Variants in POU2AF2 observed in about 807,000 individuals in gnomAD.
POU2AF2 encodes the protein POU class 2 homeobox associating factor 2.
chr11:111,274,879 C>T, the POU2AF2 span, among the ~76,000 whole-genome samples: 1 of 152,058 alleles, frequency 6.6e-6, no homozygotes, highest in African/African-American at 2.4e-5. Flanking sequence ...CCACCATCGC[C>T]ACAACCAATC....
chr11:111,248,593 C>G, the POU2AF2 span, among the ~76,000 whole-genome samples: 1 of 152,300 alleles, frequency 6.6e-6, no homozygotes, highest in East Asian at 1.9e-4. Flanking sequence ...GTGTCATTGT[C>G]TATCACATAA....
At chr11:111,247,865 G>A in the POU2AF2 span, among the ~76,000 whole-genome samples, 1 of 142,862 alleles carries the variant, frequency 7.0e-6, no homozygotes, top group Non-Finnish European at 1.5e-5. Flanking sequence ...TGAGCTTGGA[G>A]ACTATAAGTG....
the POU2AF2 span, among the ~76,000 whole-genome samples, chr11:111,259,684 A>G: frequency 6.6e-6 from 1 of 152,188 alleles, no homozygotes; most frequent in Non-Finnish European, 1.5e-5. Flanking sequence ...CAAGCAAACA[A>G]ACGGGTTTTT....
chr11:111,265,640 T>A, the POU2AF2 span, among the ~76,000 whole-genome samples: 1 of 152,250 alleles, frequency 6.6e-6, no homozygotes, highest in East Asian at 1.9e-4. Flanking sequence ...ATGGCAGCTT[T>A]TATGGTTTTT....
At chr11:111,284,065 T>C in the POU2AF2 span, 2 of 1,605,714 alleles carry the variant, frequency 1.2e-6, no homozygotes, top group Non-Finnish European at 1.7e-6. Context: ...GTGTTTTTCA[T>C]TTGGCAACAG....
the POU2AF2 span, among the ~76,000 whole-genome samples, chr11:111,262,566 T>C: frequency 6.6e-6 from 1 of 152,264 alleles, no homozygotes; most frequent in Non-Finnish European, 1.5e-5. Context: ...CTGCATATTC[T>C]ATCATCTCAA....
the POU2AF2 span, among the ~76,000 whole-genome samples, chr11:111,261,519 C>G: frequency 6.6e-6 from 1 of 152,038 alleles, no homozygotes; most frequent in African/African-American, 2.4e-5. Flanking sequence ...TTTTCTTAAG[C>G]TATCTTATGG....
the POU2AF2 span, among the ~76,000 whole-genome samples, chr11:111,264,608 G>C: frequency 1.2e-5 from 1 of 85,968 alleles, no homozygotes; most frequent in Non-Finnish European, 2.6e-5. Flanking sequence ...AGAAAGAGAC[G>C]AAAGAAAGAA....
At chr11:111,276,527 A>T in the POU2AF2 span, among the ~76,000 whole-genome samples, 9 of 144,270 alleles carry the variant, frequency 6.2e-5, no homozygotes, top group Non-Finnish European at 1.2e-4. Context: ...CTGTAGTCCC[A>T]ACTACTTGGG....
the POU2AF2 span, chr11:111,284,315 G>T: frequency 1.2e-6 from 2 of 1,610,758 alleles, no homozygotes; most frequent in South Asian, 1.1e-5. Flanking sequence ...TCTGTTCAGC[G>T]CCTCGCCCCT....
the POU2AF2 span, among the ~76,000 whole-genome samples, chr11:111,266,097 TA>T: frequency 1.4e-3 from 202 of 148,804 alleles, 2 homozygotes; most frequent in East Asian, 0.02. Flanking sequence ...ACTGCCAATT[TA>T]AAAAAAAAAC....
At chr11:111,284,235 TGGAGC>T in the POU2AF2 span, 5 of 1,614,100 alleles carry the variant, frequency 3.1e-6, no homozygotes, top group African/African-American at 6.7e-5. Flanking sequence ...GCGGCTCTCC[TGGAGC>T]CCTACTTCCC....
At chr11:111,247,450 T>A in the POU2AF2 span, among the ~76,000 whole-genome samples, 1 of 152,220 alleles carries the variant, frequency 6.6e-6, no homozygotes, top group African/African-American at 2.4e-5. Flanking sequence ...GTTAACTGAT[T>A]TGACCTAGCA....
the POU2AF2 span, among the ~76,000 whole-genome samples, chr11:111,253,450 T>C: frequency 1.3e-5 from 2 of 152,236 alleles, no homozygotes; most frequent in South Asian, 4.1e-4. Flanking sequence ...GAAACTTATG[T>C]ACTGAGAGCA....
chr11:111,258,822 A>G, the POU2AF2 span, among the ~76,000 whole-genome samples: 1 of 152,190 alleles, frequency 6.6e-6, no homozygotes. Flanking sequence ...GAACTTTGCC[A>G]TAGAATAAAG....
chr11:111,247,106 T>A, the POU2AF2 span, among the ~76,000 whole-genome samples: 8 of 152,072 alleles, frequency 5.3e-5, no homozygotes, highest in African/African-American at 1.9e-4. Flanking sequence ...CATAATGTCC[T>A]CCACTTCCAG....
the POU2AF2 span, chr11:111,245,773 G>A: frequency 5.0e-6 from 2 of 398,624 alleles, no homozygotes; most frequent in Non-Finnish European, 4.4e-6. Flanking sequence ...AGCAGACCAG[G>A]ACCCCTTACC....
chr11:111,284,282 G>T, the POU2AF2 span: 1 of 1,613,912 alleles, frequency 6.2e-7, no homozygotes, highest in Non-Finnish European at 8.5e-7. Flanking sequence ...CCGGCCTCCG[G>T]CGCTGACGCC....
chr11:111,258,877 C>G, the POU2AF2 span, among the ~76,000 whole-genome samples: 1 of 152,236 alleles, frequency 6.6e-6, no homozygotes, highest in Non-Finnish European at 1.5e-5. Context: ...GTTTTTATCT[C>G]TCTTCAGATA....
Sources: allele counts gnomAD v4.1 joint callset (sites outside exome capture counted in the v4.1 genomes callset), GRCh38; gene constraint gnomAD v4.1.1; transcripts MANE v1.5; gene names NCBI Gene and HGNC (gene_info 2026-07-23, HGNC 2026-07-21).